The following CDYL variants were observed in gnomAD, a reference collection of about 807,000 sequenced individuals.
CDYL encodes chromodomain Y like, also known as chromodomain Y-like protein.
In CDYL, 8 loss-of-function variants were observed where a neutral mutation model predicts 47.3. That is an observed-to-expected ratio of 0.17 (90% CI 0.10 to 0.31). CDYL has a LOEUF of 0.31. CDYL is among the 10% of genes least tolerant of loss of function. The pLI is 1.00. For synonymous variants in CDYL, 266 were observed against 265.0 expected, an observed-to-expected ratio of 1.00 and a Z score of -0.04; for missense variants, 471 against 701.4, an observed-to-expected ratio of 0.67 and a Z score of 3.71.
intron 1 of CDYL, among the ~76,000 whole-genome samples, chr6:4,845,750 A>T (rs1011339175): frequency 2.0e-5 from 3 of 152,216 alleles, no homozygotes; most frequent in Admixed American, 2.0e-4. Context: ...TATACTTTTC[A>T]TATATCACAA....
chr6:4,750,052 G>A (rs58176342), intron 3 of CDYL, among the ~76,000 whole-genome samples: 2,597 of 152,148 alleles, frequency 0.017, 71 homozygotes, highest in African/African-American at 0.051. Context: ...ATTAATAACT[G>A]TAAAGGCCAG....
intron 1 of CDYL, among the ~76,000 whole-genome samples, chr6:4,835,504 G>T (rs538857535): frequency 1.1e-3 from 174 of 152,356 alleles, no homozygotes; most frequent in African/African-American, 3.9e-3. Flanking sequence ...TCCCAGTTAG[G>T]CTGCTCAGGG....
chr6:4,863,769 A>C (rs6926191), intron 1 of CDYL, among the ~76,000 whole-genome samples: 5 of 152,188 alleles, frequency 3.3e-5, no homozygotes, highest in Non-Finnish European at 7.3e-5. Flanking sequence ...GCTGATTTCA[A>C]ATTGGCTTAA....
intron 2 of CDYL, among the ~76,000 whole-genome samples, chr6:4,731,169 C>A (rs1249143044): frequency 1.3e-5 from 2 of 152,010 alleles, no homozygotes; most frequent in South Asian, 4.1e-4. Flanking sequence ...ATACATTGTA[C>A]GATTGTATTT....
At chr6:4,799,435 G>T (rs533608987) in intron 1 of CDYL, among the ~76,000 whole-genome samples, 2 of 152,014 alleles carry the variant, frequency 1.3e-5, no homozygotes. Context: ...TGGTCACATA[G>T]GTCTCCCATT....
chr6:4,832,035 A>G (rs550061932), intron 1 of CDYL, among the ~76,000 whole-genome samples: 2 of 151,682 alleles, frequency 1.3e-5, no homozygotes, highest in South Asian at 4.2e-4. Flanking sequence ...GGACAATTTG[A>G]CTTCCTCTTT....
chr6:4,932,910 C>G (rs1561716186), intron 2 of CDYL, among the ~76,000 whole-genome samples: 1 of 152,176 alleles, frequency 6.6e-6, no homozygotes, highest in Non-Finnish European at 1.5e-5. Context: ...TTCATTGTGT[C>G]CTGTGGTCTG....
At chr6:4,735,393 G>A (rs1220485429) in intron 3 of CDYL, among the ~76,000 whole-genome samples, 2 of 152,054 alleles carry the variant, frequency 1.3e-5, no homozygotes, top group Non-Finnish European at 2.9e-5. Flanking sequence ...ACAATCATTT[G>A]AAAATGTGTA....
chr6:4,789,296 G>A (rs768857744), intron 1 of CDYL, among the ~76,000 whole-genome samples: 2 of 152,040 alleles, frequency 1.3e-5, no homozygotes, highest in African/African-American at 2.4e-5. Context: ...GGCTGGTCTC[G>A]AGCTCCTGGG....
At chr6:4,781,718 C>A (rs1758623411) in intron 1 of CDYL, among the ~76,000 whole-genome samples, 1 of 152,146 alleles carries the variant, frequency 6.6e-6, no homozygotes, top group Non-Finnish European at 1.5e-5. Flanking sequence ...ATGATTTTAA[C>A]CACGGAGAAT....
At chr6:4,900,806 T>TCTATATCTATATAG (rs1757018291) in intron 2 of CDYL, among the ~76,000 whole-genome samples, 3 of 90,088 alleles carry the variant, frequency 3.3e-5, no homozygotes, top group African/African-American at 1.3e-4. Flanking sequence ...TATATATATA[T>TCTATATCTATATAG]ATATATATAT....
intron 1 of CDYL, among the ~76,000 whole-genome samples, chr6:4,880,296 A>G (rs1441041472): frequency 6.6e-6 from 1 of 152,082 alleles, no homozygotes; most frequent in Non-Finnish European, 1.5e-5. Flanking sequence ...GCCTTTTCAG[A>G]TGGGCGTCTT....
intron 2 of CDYL, chr6:4,724,538 T>A (rs1356443228): frequency 6.6e-6 from 1 of 152,282 alleles, no homozygotes; most frequent in East Asian, 1.9e-4. Flanking sequence ...TCGCTCTGAG[T>A]GTCACAGTTC....
At chr6:4,883,894 C>T (rs1250905589) in intron 1 of CDYL, among the ~76,000 whole-genome samples, 1 of 152,136 alleles carries the variant, frequency 6.6e-6, no homozygotes, top group Non-Finnish European at 1.5e-5. Context: ...AAAAAAACTC[C>T]ATCAGATCCT....
intron 3 of CDYL, among the ~76,000 whole-genome samples, chr6:4,736,083 G>A (rs1319153436): frequency 6.6e-6 from 1 of 152,138 alleles, no homozygotes; most frequent in Non-Finnish European, 1.5e-5. Context: ...CCCAGCCCCT[G>A]TCAACCATCA....
intron 1 of CDYL, chr6:4,715,003 A>G (rs1757226558): frequency 6.6e-6 from 1 of 152,008 alleles, no homozygotes. Flanking sequence ...GTTGTTTTTT[A>G]TTTTTCCAAA....
At position 4,892,429 on chromosome 6, in the gene CDYL, G is replaced by A. The variant is rs547914468; in HGVS notation, c.691+50G>A. The A allele has an allele frequency of 7.1e-5, 108 of 1,527,532 alleles. No individual in the cohort carries two copies. The East Asian group carries it at 2.1e-3, about 30-fold the overall frequency. The allele number at this position is 1,527,532 out of a possible 1,614,324, so 94.6% of individuals were successfully genotyped here. A position where few individuals can be genotyped will look rare whatever the true frequency, so the allele number is the denominator to read the frequency against. ...GCTCCGTGGTGATCCCAGAGGGCTCGGGTCCTTCTCTAGAGATCAGGCCTT... is the reference window on the plus strand; with the variant it reads ...GCTCCGTGGTGATCCCAGAGGGCTCAGGTCCTTCTCTAGAGATCAGGCCTT... On this transcript the variant is annotated intron_variant, in intron 2 of 6. Coordinates refer to ENST00000397588, the MANE Select transcript of CDYL (RefSeq NM_004824.4).
chr6:4,942,593 T>A (rs56006827), intron 4 of CDYL, among the ~76,000 whole-genome samples: 15,149 of 152,272 alleles, frequency 0.099, 956 homozygotes, highest in South Asian at 0.16. Context: ...TCTTCTTTTC[T>A]CCACTGTGTG....
Position 4,830,228 on chromosome 6 carries a change from C to T in CDYL, c.24+53421C>T, listed in dbSNP as rs554063698. Among the ~76,000 whole-genome samples the T allele has an allele frequency of 9.2e-5, 14 of 152,314 alleles. No individual in the cohort carries two copies. In the South Asian group the frequency reaches 1.5e-3, roughly 16 times the overall value. ...CCGCACTACCCATTTAAACAATTGG[C>T]GCTGGCTTATGATTCTTCTAATTAT... On this transcript the variant is annotated intron_variant, in intron 1 of 6. Coordinates refer to ENST00000397588, the MANE Select transcript of CDYL (RefSeq NM_004824.4).
Sources: gnomAD v4.1 joint callset for allele counts (sites outside exome capture counted in the v4.1 genomes callset) on GRCh38, gnomAD v4.1.1 for gene constraint, MANE v1.5 for transcripts, NCBI Gene and HGNC (gene_info 2026-07-23, HGNC 2026-07-21) for gene names.